GRM5: variants seen among roughly 807,000 people sequenced by gnomAD.
GRM5 encodes metabotropic glutamate receptor 5.
Under a neutral mutation model 83.1 loss-of-function variants are expected in GRM5, and 19 were observed. The observed-to-expected ratio is 0.23, with a 90% CI of 0.16 to 0.34. GRM5 has a LOEUF of 0.34. Among genes scored for constraint, GRM5 ranks in the 10% least tolerant of loss-of-function variants. The pLI is 1.00. For synonymous variants in GRM5, 675 were observed against 633.6 expected, an observed-to-expected ratio of 1.07 and a Z score of -0.98; for missense variants, 1,160 against 1,588.3, an observed-to-expected ratio of 0.73 and a Z score of 4.58.
At position 88,590,666 on chromosome 11, in the gene GRM5, T is replaced by C; in HGVS notation, c.1625A>G (p.Tyr542Cys). Residue 542 changes from tyrosine (Y) to cysteine (C), a missense_variant, in exon 7 of 10, where the codon TAT becomes TGT. Coordinates refer to ENST00000305447, the MANE Select transcript of GRM5 (RefSeq NM_001143831.3). Reference protein sequence around the residue: ...WTCTPCKENEYVFDEYTCKAC... With the variant: ...WTCTPCKENECVFDEYTCKAC... ...CTTGCATGTGTACTCATCAAAGACA[T>C]ACTCATTCTCCTTACAAGGTGTACA... The C allele has an allele frequency of 6.2e-7, 1 of 1,608,192 alleles. No individual in the cohort carries two copies. Among genetic ancestry groups the C allele is most frequent in the Non-Finnish European group, 8.5e-7 (1 of 1,174,664 alleles).
intron 3 of GRM5, among the ~76,000 whole-genome samples, chr11:88,779,970 A>G (rs1455985143): frequency 6.6e-6 from 1 of 151,838 alleles, no homozygotes; most frequent in Middle Eastern, 3.4e-3. Flanking sequence ...TTTTTCTTTA[A>G]TCTCCTCAGA....
chr11:88,815,471 T>G (rs916847594), intron 3 of GRM5, among the ~76,000 whole-genome samples: 1 of 152,198 alleles, frequency 6.6e-6, no homozygotes, highest in Non-Finnish European at 1.5e-5. Flanking sequence ...TTAATTGAGT[T>G]TGTGTTGCTA....
At chr11:88,858,007 C>T (rs1205145665) in intron 2 of GRM5, among the ~76,000 whole-genome samples, 13 of 151,890 alleles carry the variant, frequency 8.6e-5, no homozygotes, top group Admixed American at 3.9e-4. Context: ...GTCATGGATA[C>T]GAAAACTTTG....
intron 9 of GRM5, among the ~76,000 whole-genome samples, chr11:88,512,960 G>A (rs537607651): frequency 1.3e-4 from 20 of 152,220 alleles, no homozygotes; most frequent in African/African-American, 3.4e-4. Flanking sequence ...TCCATGATCC[G>A]TGGCCTCTTC....
intron 3 of GRM5, among the ~76,000 whole-genome samples, chr11:88,675,942 C>T (rs947932013): frequency 1.3e-5 from 2 of 151,942 alleles, no homozygotes; most frequent in African/African-American, 4.8e-5. Flanking sequence ...CATTCTCACA[C>T]GTAAGAGAAT....
chr11:88,671,898 A>C (rs768544896), intron 3 of GRM5, among the ~76,000 whole-genome samples: 1 of 152,086 alleles, frequency 6.6e-6, no homozygotes, highest in Non-Finnish European at 1.5e-5. Flanking sequence ...TGTACTACAC[A>C]TCATGGTTTC....
intron 5 of GRM5, among the ~76,000 whole-genome samples, chr11:88,601,961 T>C (rs1273100498): frequency 6.6e-6 from 1 of 152,194 alleles, no homozygotes; most frequent in Non-Finnish European, 1.5e-5. Flanking sequence ...CTCCATGTGG[T>C]CTGCAGATCA....
chr11:88,647,284 G>T (rs1327261421), intron 4 of GRM5, among the ~76,000 whole-genome samples: 2 of 151,988 alleles, frequency 1.3e-5, no homozygotes, highest in East Asian at 1.9e-4. Flanking sequence ...TCTGGCAACA[G>T]ACATGAATTG....
intron 2 of GRM5, among the ~76,000 whole-genome samples, chr11:88,901,423 G>C (rs1156521794): frequency 2.0e-5 from 3 of 152,064 alleles, no homozygotes; most frequent in African/African-American, 7.2e-5. Context: ...AAAGACCTGA[G>C]GTAGAATTCC....
intron 2 of GRM5, among the ~76,000 whole-genome samples, chr11:88,937,741 G>A (rs1937947737): frequency 6.6e-6 from 1 of 151,566 alleles, no homozygotes; most frequent in Non-Finnish European, 1.5e-5. Context: ...CAGTCCTCCA[G>A]TTTCCAAGAT....
At chr11:88,549,881 G>T (rs1450182279) in intron 8 of GRM5, among the ~76,000 whole-genome samples, 2 of 152,160 alleles carry the variant, frequency 1.3e-5, no homozygotes, top group African/African-American at 4.8e-5. Context: ...TACGCTGGTA[G>T]CTGCTGGGAC....
intron 3 of GRM5, among the ~76,000 whole-genome samples, chr11:88,805,071 T>A (rs2135490944): frequency 6.6e-6 from 1 of 152,320 alleles, no homozygotes; most frequent in Non-Finnish European, 1.5e-5. Flanking sequence ...GTTGGAGGGA[T>A]TGTTGCAACC....
At chr11:88,772,203 G>A (rs541804811) in intron 3 of GRM5, among the ~76,000 whole-genome samples, 213 of 151,826 alleles carry the variant, frequency 1.4e-3, no homozygotes, top group Non-Finnish European at 2.5e-3. Context: ...TTTAAATTCA[G>A]GACTAATATG....
chr11:88,842,636 T>C (rs1390712797), intron 3 of GRM5, among the ~76,000 whole-genome samples: 4 of 152,232 alleles, frequency 2.6e-5, no homozygotes, highest in Non-Finnish European at 5.9e-5. Context: ...CACAACACTC[T>C]TGGTTTCCCA....
At chr11:89,001,883 A>G (rs925102230) in intron 2 of GRM5, among the ~76,000 whole-genome samples, 1 of 152,178 alleles carries the variant, frequency 6.6e-6, no homozygotes, top group African/African-American at 2.4e-5. Context: ...AGGTACATAT[A>G]TTTTAAACAG....
intron 2 of GRM5, among the ~76,000 whole-genome samples, chr11:88,878,861 A>C (rs1944902400): frequency 6.6e-6 from 1 of 152,192 alleles, no homozygotes; most frequent in Non-Finnish European, 1.5e-5. Flanking sequence ...GTATCATTCC[A>C]TTTAGGGCTT....
chr11:88,940,105 A>T lies in GRM5; in HGVS notation c.662-89950T>A, dbSNP rs183219669. On this transcript the variant is annotated intron_variant, in intron 2 of 9. Coordinates refer to ENST00000305447, the MANE Select transcript of GRM5 (RefSeq NM_001143831.3). ...CCTAGTTTTAAACGTCAGGGTTCTT[A>T]ACACAAAATTAAATACGCCTGCCCA... Among the ~76,000 whole-genome samples the T allele has an allele frequency of 5.7e-3, 860 of 152,066 alleles. 8 individuals carry two copies. Among genetic ancestry groups the T allele is most frequent in the African/African-American group, 0.02 (823 of 41,552 alleles).
intron 2 of GRM5, among the ~76,000 whole-genome samples, chr11:88,856,758 T>C (rs955729595): frequency 3.3e-5 from 5 of 152,024 alleles, no homozygotes; most frequent in African/African-American, 1.2e-4. Context: ...TGCTATGACA[T>C]GATGATAGCT....
At chr11:88,697,780 T>C (rs186003293) in intron 3 of GRM5, among the ~76,000 whole-genome samples, 12 of 152,336 alleles carry the variant, frequency 7.9e-5, no homozygotes, top group African/African-American at 2.9e-4. Context: ...TCTAAAGTAA[T>C]AGATTTCTCT....
Sources: allele counts gnomAD v4.1 joint callset (sites outside exome capture counted in the v4.1 genomes callset), GRCh38; gene constraint gnomAD v4.1.1; transcripts MANE v1.5; gene names NCBI Gene and HGNC (gene_info 2026-07-23, HGNC 2026-07-21).